The following RBFOX1 variants were observed in gnomAD, a reference collection of about 807,000 sequenced individuals.
RBFOX1 encodes the protein RNA binding fox-1 homolog 1.
Under a neutral mutation model 57.7 loss-of-function variants are expected in RBFOX1, and 8 were observed. That is an observed-to-expected ratio of 0.14 (90% CI 0.08 to 0.25). The LOEUF (loss-of-function observed/expected upper bound fraction) is 0.25, where lower values mean the gene tolerates loss of function less well. Among genes scored for constraint, RBFOX1 ranks in the 10% least tolerant of loss-of-function variants. The pLI is 1.00. For missense variants in RBFOX1, 611 were observed against 548.5 expected (o/e 1.11, Z -1.14); for synonymous variants, 326 against 222.4 (o/e 1.47, Z -4.15).
intron 1 of RBFOX1, among the ~76,000 whole-genome samples, chr16:5,406,720 T>G (rs1417536672): frequency 2.6e-5 from 4 of 152,090 alleles, no homozygotes; most frequent in African/African-American, 9.7e-5. Flanking sequence ...ATCCAGCAAA[T>G]ATTTATTTTG....
chr16:7,118,903 T>A (rs1308356226), intron 4 of RBFOX1, among the ~76,000 whole-genome samples: 1 of 152,154 alleles, frequency 6.6e-6, no homozygotes, highest in African/African-American at 2.4e-5. Flanking sequence ...ACTGTTGTTG[T>A]TCTGGTTATG....
At position 5,750,179 on chromosome 16, in the gene RBFOX1, C is replaced by T. The variant is rs4625724; in HGVS notation, c.319-117124C>T. 7.2e-3 allele frequency among the ~76,000 whole-genome samples: 1,095 copies of T among 152,246 alleles called. 19 individuals carry two copies. Among genetic ancestry groups the T allele is most frequent in the African/African-American group, 0.025 (1,043 of 41,542 alleles). On this transcript the variant is annotated intron_variant, in intron 3 of 19. Coordinates refer to the RBFOX1 transcript ENST00000641259. The stretch of plus-strand genomic sequence containing the variant: ...ATCAGCAGCAGAGGCTGCAGAACAG[C>T]GAATATTTCTGAACAGCAAATGTTG...
chr16:5,696,661 AATT>A (rs968903816), intron 3 of RBFOX1, among the ~76,000 whole-genome samples: 8 of 152,208 alleles, frequency 5.3e-5, no homozygotes, highest in African/African-American at 1.7e-4. Flanking sequence ...TGATGAAAAT[AATT>A]ATTATAATTT....
chr16:7,602,507 C>A (rs8052342), intron 9 of RBFOX1, among the ~76,000 whole-genome samples: 32 of 152,154 alleles, frequency 2.1e-4, no homozygotes, highest in Non-Finnish European at 4.1e-4. Context: ...TGGGGACATA[C>A]ACAAACTGCC....
At chr16:7,077,020 G>T (rs918805268) in intron 4 of RBFOX1, among the ~76,000 whole-genome samples, 1 of 152,188 alleles carries the variant, frequency 6.6e-6, no homozygotes, top group African/African-American at 2.4e-5. Flanking sequence ...ACATCCATCT[G>T]ATTTCTTGGA....
intron 1 of RBFOX1, among the ~76,000 whole-genome samples, chr16:5,424,847 TTCTC>T (rs199840225): frequency 1.4e-5 from 2 of 147,042 alleles, no homozygotes; most frequent in Admixed American, 6.7e-5. Flanking sequence ...CTTTCTTTCT[TTCTC>T]TCTCTCTCTT....
intron 3 of RBFOX1, among the ~76,000 whole-genome samples, chr16:6,884,784 G>A (rs1463627522): frequency 6.6e-6 from 1 of 152,078 alleles, no homozygotes; most frequent in Non-Finnish European, 1.5e-5. Flanking sequence ...TGCAGTCCCA[G>A]CTACTTGGGA....
intron 13 of RBFOX1, among the ~76,000 whole-genome samples, chr16:7,671,770 G>A (rs1029560829): frequency 1.3e-5 from 2 of 152,142 alleles, no homozygotes; most frequent in Non-Finnish European, 2.9e-5. Context: ...AGGTGAGGTG[G>A]CTATCCCTGT....
chr16:5,558,771 C>G (rs1299558404), intron 2 of RBFOX1, among the ~76,000 whole-genome samples: 2 of 152,146 alleles, frequency 1.3e-5, no homozygotes, highest in African/African-American at 4.8e-5. Context: ...GCCCCCAATT[C>G]AGATCAAGGT....
chr16:6,506,248 G>T (rs540510770), intron 2 of RBFOX1, among the ~76,000 whole-genome samples: 23 of 152,282 alleles, frequency 1.5e-4, no homozygotes, highest in African/African-American at 5.5e-4. Flanking sequence ...ACTAAGGGAG[G>T]ACCATGTGGG....
intron 2 of RBFOX1, among the ~76,000 whole-genome samples, chr16:5,486,972 C>A (rs546013970): frequency 6.6e-6 from 1 of 152,136 alleles, no homozygotes; most frequent in East Asian, 1.9e-4. Context: ...AGACTCCGGT[C>A]CCCTGTAATA....
At chr16:7,536,273 G>C (rs1052542169) in intron 5 of RBFOX1, among the ~76,000 whole-genome samples, 4 of 152,190 alleles carry the variant, frequency 2.6e-5, no homozygotes. Flanking sequence ...ATGCATTCAA[G>C]ACTTCCTTAA....
chr16:5,551,625 G>A (rs2045468350), intron 2 of RBFOX1, among the ~76,000 whole-genome samples: 2 of 152,128 alleles, frequency 1.3e-5, no homozygotes, highest in Non-Finnish European at 2.9e-5. Flanking sequence ...CTGGGCCTGG[G>A]TTCAAATCTC....
At chr16:6,970,762 T>C (rs1416562809) in intron 3 of RBFOX1, among the ~76,000 whole-genome samples, 3 of 152,218 alleles carry the variant, frequency 2.0e-5, no homozygotes. Flanking sequence ...ATTCAGACCA[T>C]AGCCCCCTTT....
intron 3 of RBFOX1, among the ~76,000 whole-genome samples, chr16:5,633,819 C>T (rs946677350): frequency 2.7e-5 from 4 of 150,812 alleles, no homozygotes; most frequent in East Asian, 2.0e-4. Flanking sequence ...GGCCACTGTC[C>T]TCCAGCCTGG....
intron 4 of RBFOX1, among the ~76,000 whole-genome samples, chr16:7,176,515 GT>G (rs2081682420): frequency 1.3e-5 from 2 of 151,962 alleles, no homozygotes; most frequent in African/African-American, 4.8e-5. Context: ...CTCTCCTCTT[GT>G]TTTTGTAAAT....
At chr16:7,395,483 T>G (rs546416413) in intron 4 of RBFOX1, among the ~76,000 whole-genome samples, 1 of 152,228 alleles carries the variant, frequency 6.6e-6, no homozygotes, top group African/African-American at 2.4e-5. Context: ...TAAGAACATT[T>G]TGGGCAATAA....
Position 7,258,796 on chromosome 16 carries a change from G to T in RBFOX1, c.27+206698G>T, listed in dbSNP as rs1431575337. 3.3e-5 allele frequency among the ~76,000 whole-genome samples: 5 copies of T among 152,042 alleles called. No individual in the cohort carries two copies. The East Asian group carries it at 7.7e-4, about 23-fold the overall frequency. ...ACTGCTGATTTTGAACCGAGAAAGG[G>T]TTCCTCTAACTGATGTCATTTCATG... On this transcript the variant is annotated intron_variant, in intron 4 of 15. Coordinates refer to ENST00000550418, the MANE Select transcript of RBFOX1 (RefSeq NM_018723.4).
chr16:6,027,369 G>C (rs7359435), intron 1 of RBFOX1, among the ~76,000 whole-genome samples: 36,178 of 152,054 alleles, frequency 0.24, 4,961 homozygotes, highest in Non-Finnish European at 0.31. Context: ...GGCATGCTTG[G>C]GATGCAGGGA....
Sources: allele counts gnomAD v4.1 joint callset (sites outside exome capture counted in the v4.1 genomes callset), GRCh38; gene constraint gnomAD v4.1.1; transcripts MANE v1.5; gene names NCBI Gene and HGNC (gene_info 2026-07-23, HGNC 2026-07-21).